Variants in HIPK2 observed in about 807,000 individuals in gnomAD.
HIPK2 encodes the protein homeodomain interacting protein kinase 2, also known as homeodomain-interacting protein kinase 2.
In HIPK2, 27 loss-of-function variants were observed where a neutral mutation model predicts 113.7. That is an observed-to-expected ratio of 0.24 (90% CI 0.17 to 0.33). The LOEUF is 0.33. Ranked by LOEUF, HIPK2 falls within the 10% of genes least tolerant of loss-of-function variation. The pLI is 1.00. For missense variants in HIPK2, 1,257 were observed against 1,588.0 expected, an observed-to-expected ratio of 0.79 and a Z score of 3.54; for synonymous variants, 631 against 642.2, an observed-to-expected ratio of 0.98 and a Z score of 0.26.
intron 11 of HIPK2, 169 bp from the exon 12 acceptor site, chr7:139,597,167 G>T (rs374066572): frequency 3.6e-5 from 9 of 250,872 alleles, no homozygotes; most frequent in African/African-American, 1.8e-4. Flanking sequence ...TTCAGTGAGC[G>T]GCTACACAGG....
At chr7:139,775,424 A>T (rs899430082) in intron 1 of HIPK2, among the ~76,000 whole-genome samples, 4 of 152,198 alleles carry the variant, frequency 2.6e-5, no homozygotes, top group African/African-American at 9.7e-5. Context: ...AAACACCCAG[A>T]TCTGGGCTTT....
rs1585216332 is a variant in HIPK2, at chr7:139,567,676, A to C, written c.*5251T>G. 6.6e-6 allele frequency: 1 copy of C among 152,382 alleles called. No homozygotes were observed. The highest frequency in any genetic ancestry group is 2.1e-4 in the South Asian group (1 of 4,824). The allele number at this position is 152,382 out of a possible 1,614,324, so 9.4% of individuals were successfully genotyped here. ...GACACAGACAGGGAATGAAGCCTGC[A>C]AAGTCCCTGGGGCTGGAATGTCTTG... is the stretch of plus-strand genomic sequence containing the variant. On this transcript the variant is annotated 3_prime_UTR_variant, in exon 15 of 15. Transcript: ENST00000406875.
intron 1 of HIPK2, among the ~76,000 whole-genome samples, chr7:139,723,826 A>G (rs1795490054): frequency 6.6e-6 from 1 of 152,196 alleles, no homozygotes; most frequent in African/African-American, 2.4e-5. Flanking sequence ...ATCGGTATGT[A>G]ATATTTAATT....
At chr7:139,715,445 T>G (rs1269456727) in intron 2 of HIPK2, among the ~76,000 whole-genome samples, 1 of 152,210 alleles carries the variant, frequency 6.6e-6, no homozygotes, top group Non-Finnish European at 1.5e-5. Context: ...TGCTCTGGGT[T>G]TGAGGATACA....
intron 7 of HIPK2, among the ~76,000 whole-genome samples, chr7:139,618,100 G>A (rs7788362): frequency 0.18 from 27,036 of 152,202 alleles, 3,416 homozygotes; most frequent in African/African-American, 0.36. Context: ...ACGAGCAAGG[G>A]CCTTGGGTAA....
intron 1 of HIPK2, among the ~76,000 whole-genome samples, chr7:139,762,105 G>C (rs1796474931): frequency 6.6e-6 from 1 of 152,200 alleles, no homozygotes; most frequent in Admixed American, 6.5e-5. Context: ...GGTCATCTTA[G>C]AAATGATCTG....
At chr7:139,600,913 G>A (rs1799402459) in intron 10 of HIPK2, among the ~76,000 whole-genome samples, 1 of 152,194 alleles carries the variant, frequency 6.6e-6, no homozygotes. Context: ...TAAAGTCCCT[G>A]AGCACCTAGG....
At chr7:139,658,393 C>A (rs943917973) in intron 2 of HIPK2, among the ~76,000 whole-genome samples, 2 of 151,930 alleles carry the variant, frequency 1.3e-5, no homozygotes, top group Non-Finnish European at 2.9e-5. Context: ...TTAACTCATT[C>A]ACTCACTCAA....
intron 1 of HIPK2, among the ~76,000 whole-genome samples, chr7:139,746,376 G>A (rs1796191145): frequency 6.6e-6 from 1 of 152,092 alleles, no homozygotes; most frequent in Non-Finnish European, 1.5e-5. Context: ...TTTTCTCTTT[G>A]GGCCTAACAG....
intron 1 of HIPK2, among the ~76,000 whole-genome samples, chr7:139,763,483 C>A (rs1480401964): frequency 7.4e-6 from 1 of 134,784 alleles, no homozygotes; most frequent in Non-Finnish European, 1.5e-5. Context: ...CCCCCCCCCC[C>A]ACACGCCCCT....
intron 2 of HIPK2, among the ~76,000 whole-genome samples, chr7:139,694,915 C>T (rs928205521): frequency 1.3e-5 from 2 of 152,202 alleles, no homozygotes; most frequent in Admixed American, 1.3e-4. Flanking sequence ...AAGGAATATC[C>T]TGCAAAACTG....
rs1230891660 is a variant in HIPK2, at chr7:139,572,895, C to A, written c.*32G>T. Reference sequence around the variant, plus strand: ...TCCCTCCTCCCTCGGGCCATTCTCTCCCTCCCTCCCTCCCTCCCTCCCCTC... The same window carrying A: ...TCCCTCCTCCCTCGGGCCATTCTCTACCTCCCTCCCTCCCTCCCTCCCCTC... On this transcript the variant is annotated 3_prime_UTR_variant, in exon 15 of 15. Coordinates refer to ENST00000406875, the MANE Select transcript of HIPK2 (RefSeq NM_022740.5). 2.8e-5 allele frequency: 13 copies of A among 456,790 alleles called. No individual in the cohort carries two copies. Among genetic ancestry groups the A allele is most frequent in the Non-Finnish European group, 5.4e-5 (13 of 240,274 alleles). The allele number at this position is 456,790 out of a possible 1,614,324, so 28.3% of individuals were successfully genotyped here.
rs900877031 is a variant in HIPK2, at chr7:139,700,681, T to C, written c.1103+15251A>G. Reference sequence around the variant, plus strand: ...CTCTCGTGAGGCTTTCTCAGCAGAATTCCCCTCTTGGTCCATGTGGGACTG... The same window carrying C: ...CTCTCGTGAGGCTTTCTCAGCAGAACTCCCCTCTTGGTCCATGTGGGACTG... On this transcript the variant is annotated intron_variant, in intron 2 of 14. Transcript: ENST00000406875. Among the ~76,000 whole-genome samples, 641 of 152,340 alleles carry C rather than the reference T, an allele frequency of 4.2e-3. 2 individuals are homozygous for C. The highest frequency in any genetic ancestry group is 0.015 in the African/African-American group (603 of 41,584).
chr7:139,640,316 C>T (rs1191575008), intron 2 of HIPK2, among the ~76,000 whole-genome samples: 1 of 152,226 alleles, frequency 6.6e-6, no homozygotes, highest in Non-Finnish European at 1.5e-5. Flanking sequence ...CTCTTGACTG[C>T]ACACACTGAG....
intron 2 of HIPK2, among the ~76,000 whole-genome samples, chr7:139,697,852 G>C (rs1794605945): frequency 1.3e-5 from 2 of 149,810 alleles, no homozygotes; most frequent in African/African-American, 5.0e-5. Flanking sequence ...TATGCATTCT[G>C]TCTTAATGGA....
At chr7:139,587,971 G>T (rs945330209) in intron 12 of HIPK2, among the ~76,000 whole-genome samples, 4 of 152,078 alleles carry the variant, frequency 2.6e-5, no homozygotes, top group African/African-American at 9.7e-5. Flanking sequence ...ATCATTTGAG[G>T]CTAGGAGTTT....
chr7:139,720,644 C>A (rs1795380976), intron 1 of HIPK2, among the ~76,000 whole-genome samples: 1 of 152,154 alleles, frequency 6.6e-6, no homozygotes, highest in Non-Finnish European at 1.5e-5. Flanking sequence ...CCATATTGTT[C>A]TAGATGTTGT....
At chr7:139,754,397 A>G (rs2117119355) in intron 1 of HIPK2, among the ~76,000 whole-genome samples, 1 of 152,326 alleles carries the variant, frequency 6.6e-6, no homozygotes, top group Middle Eastern at 3.4e-3. Flanking sequence ...TAAGGAAAAG[A>G]CCTAGAAACG....
chr7:139,755,171 C>G (rs1261872577), intron 1 of HIPK2, among the ~76,000 whole-genome samples: 3 of 152,174 alleles, frequency 2.0e-5, no homozygotes, highest in Admixed American at 2.0e-4. Flanking sequence ...GAAGGGAGGT[C>G]TGCAGGAAGC....
Sources: allele counts gnomAD v4.1 joint callset (sites outside exome capture counted in the v4.1 genomes callset), GRCh38; gene constraint gnomAD v4.1.1; transcripts MANE v1.5; gene names NCBI Gene and HGNC (gene_info 2026-07-23, HGNC 2026-07-21).